PLEKHA8: variants seen among roughly 807,000 people sequenced by gnomAD.
The protein encoded by PLEKHA8 is pleckstrin homology domain containing A8, also known as pleckstrin homology domain-containing family A member 8.
In PLEKHA8, 36 loss-of-function variants were observed where a neutral mutation model predicts 68.2. The ratio of observed to expected loss-of-function variants is 0.53; its 90% CI spans 0.40 to 0.70. The LOEUF is 0.70. Among genes scored for constraint, PLEKHA8 ranks in the 30% least tolerant of loss-of-function variants. PLEKHA8 has a pLI of 0.00. For missense variants in PLEKHA8, 505 were observed against 615.4 expected (o/e 0.82, Z 1.90); for synonymous variants, 211 against 216.1 (o/e 0.98, Z 0.20).
intron 13 of PLEKHA8, among the ~76,000 whole-genome samples, chr7:30,116,206 AT>A (rs943184422): frequency 1.3e-5 from 2 of 150,850 alleles, no homozygotes; most frequent in African/African-American, 2.5e-5. Context: ...ACACGTATAC[AT>A]GTATACATAT....
chr7:30,054,942 C>G, intron 8 of PLEKHA8, 77 bp downstream of exon 8: 1 of 1,344,394 alleles, frequency 7.4e-7, no homozygotes, highest in Non-Finnish European at 1.0e-6. Flanking sequence ...GTGTTCCTTT[C>G]AGGTGATGGC....
At chr7:30,106,874 C>G (rs1200720324) in intron 13 of PLEKHA8, among the ~76,000 whole-genome samples, 3 of 152,168 alleles carry the variant, frequency 2.0e-5, no homozygotes, top group Admixed American at 6.5e-5. Flanking sequence ...AGGTTACATG[C>G]AAATGCTGGT....
downstream of PLEKHA8, among the ~76,000 whole-genome samples, chr7:30,093,729 A>G (rs1315660336): frequency 1.3e-5 from 2 of 152,220 alleles, no homozygotes; most frequent in African/African-American, 4.8e-5. Flanking sequence ...TGTTTCCATC[A>G]TGACCCACTT....
downstream of PLEKHA8, among the ~76,000 whole-genome samples, chr7:30,093,563 TGTTA>T (rs1562545421): frequency 2.6e-5 from 4 of 152,250 alleles, no homozygotes; most frequent in African/African-American, 9.6e-5. Flanking sequence ...ATTTTGAGCA[TGTTA>T]GTTAACATCT....
chr7:30,028,492 G>T lies in PLEKHA8; in HGVS notation c.-271G>T, dbSNP rs866506202. ...TCGGCTGCCCCTCCGACCCACGTAG[G>T]GCCCGGACCCGGGCCTCCTTGTGAA... On this transcript the variant is annotated 5_prime_UTR_variant, in exon 1 of 14. Coordinates refer to ENST00000449726, the MANE Select transcript of PLEKHA8 (RefSeq NM_001197026.2). 3 of 352,076 alleles carry T rather than the reference G, an allele frequency of 8.5e-6. No homozygotes were observed. The highest frequency in any genetic ancestry group is 7.4e-4 in the Middle Eastern group (1 of 1,344). The allele number at this position is 352,076 out of a possible 1,614,324, so 21.8% of individuals were successfully genotyped here. A position where few individuals can be genotyped will look rare whatever the true frequency, so the allele number is the denominator to read the frequency against.
Position 30,083,316 on chromosome 7 carries a change from A to C in PLEKHA8, c.*4529A>C. The C allele has an allele frequency of 1.0e-6, 1 of 985,118 alleles. No homozygotes were observed. The highest frequency in any genetic ancestry group is 1.2e-6 in the Non-Finnish European group (1 of 829,626). The allele number at this position is 985,118 out of a possible 1,614,324, so 61.0% of individuals were successfully genotyped here. A position where few individuals can be genotyped will look rare whatever the true frequency, so the allele number is the denominator to read the frequency against. On this transcript the variant is annotated 3_prime_UTR_variant, in exon 14 of 14. Transcript: ENST00000449726. ...GCAGTTGCTTACTCAGGGGTTTCAT[A>C]GTCATTTCATAAAAAATAATTCACT... is the stretch of plus-strand genomic sequence containing the variant.
chr7:30,110,835 T>A (rs1005823936), intron 13 of PLEKHA8, among the ~76,000 whole-genome samples: 1 of 152,222 alleles, frequency 6.6e-6, no homozygotes, highest in Non-Finnish European at 1.5e-5. Context: ...TAGCAATTTG[T>A]ATATCTTCTT....
At chr7:30,070,181 C>G (rs1432498980) in intron 12 of PLEKHA8, among the ~76,000 whole-genome samples, 1 of 151,618 alleles carries the variant, frequency 6.6e-6, no homozygotes, top group Non-Finnish European at 1.5e-5. Context: ...TAAATTGCAG[C>G]AATGATCTCA....
downstream of PLEKHA8, among the ~76,000 whole-genome samples, chr7:30,087,039 C>G (rs1169894677): frequency 6.6e-6 from 1 of 152,222 alleles, no homozygotes; most frequent in Non-Finnish European, 1.5e-5. Flanking sequence ...ATGCATTGTC[C>G]TCAGAGAACA....
intron 9 of PLEKHA8, among the ~76,000 whole-genome samples, chr7:30,059,184 T>A (rs979040454): frequency 2.6e-5 from 4 of 152,274 alleles, no homozygotes; most frequent in Non-Finnish European, 5.9e-5. Context: ...TAAGTCATTT[T>A]AATTTTCTCT....
chr7:30,070,356 ACT>A (rs1041709826), intron 12 of PLEKHA8, among the ~76,000 whole-genome samples: 6 of 151,364 alleles, frequency 4.0e-5, no homozygotes, highest in Admixed American at 4.0e-4. Context: ...CTGTACAAAC[ACT>A]CTCCCATCCT....
chr7:30,087,785 A>G (rs1232738564), downstream of PLEKHA8, among the ~76,000 whole-genome samples: 1 of 152,124 alleles, frequency 6.6e-6, no homozygotes, highest in Non-Finnish European at 1.5e-5. Flanking sequence ...GCCCCTCAAA[A>G]TCTTCCCAGA....
chr7:30,058,940 A>T (rs1311360302), intron 9 of PLEKHA8, among the ~76,000 whole-genome samples: 1 of 152,236 alleles, frequency 6.6e-6, no homozygotes, highest in South Asian at 2.1e-4. Flanking sequence ...TGGCCTAGGC[A>T]ACAAAGTAAG....
chr7:30,051,905 A>T lies in PLEKHA8; in HGVS notation c.639-804A>T, dbSNP rs915251774. ...GGAGAATCACTTGAACCCGGAAGGC[A>T]GAGGTTGCAGTGAGCCAAGATCACA... On this transcript the variant is annotated intron_variant, in intron 6 of 13. Transcript: ENST00000449726. 1.3e-5 allele frequency among the ~76,000 whole-genome samples: 2 copies of T among 152,134 alleles called. 1 individual carries two copies. Among genetic ancestry groups the T allele is most frequent in the Admixed American group, 1.3e-4 (2 of 15,274 alleles).
At chr7:30,028,838 G>A in intron 1 of PLEKHA8, 36 bp downstream of exon 1, 1 of 1,252,082 alleles carries the variant, frequency 8.0e-7, no homozygotes, top group East Asian at 3.1e-5. Flanking sequence ...CGCGCCGGGG[G>A]CCGGTCCTTT....
At position 30,028,591 on chromosome 7, in the gene PLEKHA8, GC is replaced by G. The variant is rs1048548889; in HGVS notation, c.-167del. 9 of 425,280 alleles carry G rather than the reference GC, an allele frequency of 2.1e-5. No homozygotes were observed. Among genetic ancestry groups the G allele is most frequent in the Non-Finnish European group, 3.1e-5 (8 of 255,506 alleles). 26.3% of individuals were successfully genotyped at this position (425,280 alleles called of 1,614,324 possible). ...GCGCCGAGGCCGCCGCAGTGACCCC[GC>G]CCCCGGGCCGAGGATGTGAGGCGGG... On this transcript the variant is annotated 5_prime_UTR_variant, in exon 1 of 14. Transcript: ENST00000449726.
At chr7:30,111,495 TTTG>T (rs1796274064) in intron 13 of PLEKHA8, among the ~76,000 whole-genome samples, 2 of 152,186 alleles carry the variant, frequency 1.3e-5, no homozygotes, top group South Asian at 2.1e-4. Context: ...TGGGATTTTA[TTTG>T]TTGTTTCTTA....
At chr7:30,091,571 T>C (rs551466287), downstream of PLEKHA8, among the ~76,000 whole-genome samples, 2 of 152,174 alleles carry the variant, frequency 1.3e-5, no homozygotes, top group Non-Finnish European at 2.9e-5. Context: ...ATACAACTCA[T>C]TAAGGATTGG....
At chr7:30,055,436 A>C in intron 9 of PLEKHA8, 94 bp downstream of exon 9, 1 of 1,074,032 alleles carries the variant, frequency 9.3e-7, no homozygotes, top group Non-Finnish European at 1.4e-6. Flanking sequence ...CTATGTGTAC[A>C]GTGAGATGAC....
Sources: allele counts gnomAD v4.1 joint callset (sites outside exome capture counted in the v4.1 genomes callset), GRCh38; gene constraint gnomAD v4.1.1; transcripts MANE v1.5; gene names NCBI Gene and HGNC (gene_info 2026-07-23, HGNC 2026-07-21).